Variants in KCNH5 observed in about 807,000 individuals in gnomAD.
The protein encoded by KCNH5 is potassium voltage-gated channel subfamily H member 5, also known as voltage-gated delayed rectifier potassium channel KCNH5.
A neutral mutation model predicts 96.1 loss-of-function variants in KCNH5; 46 were observed. The ratio of observed to expected loss-of-function variants is 0.48; its 90% CI spans 0.38 to 0.61. The LOEUF is 0.61. Among genes scored for constraint, KCNH5 ranks in the 20% least tolerant of loss-of-function variants. The probability of loss-of-function intolerance (pLI) is 0.00; values close to 1 mark genes in which losing one functional copy is unlikely to be tolerated. For synonymous variants in KCNH5, 439 were observed against 449.8 expected (o/e 0.98, Z 0.30); for missense variants, 907 against 1,225.8 (o/e 0.74, Z 3.88).
At chr14:62,830,967 T>C (rs749732173) in intron 8 of KCNH5, among the ~76,000 whole-genome samples, 1 of 152,184 alleles carries the variant, frequency 6.6e-6, no homozygotes, top group Non-Finnish European at 1.5e-5. Context: ...AGCATTGCTT[T>C]TCCAAGGCTT....
chr14:62,895,691 T>C lies in KCNH5; in HGVS notation c.1370-45839A>G, dbSNP rs184902098. ...GCACCATATGCCATACCTATAGTTATAGCCTTCTCAGTTCAGAGAGATGAC... is the reference window on the plus strand; with the variant it reads ...GCACCATATGCCATACCTATAGTTACAGCCTTCTCAGTTCAGAGAGATGAC... On this transcript the variant is annotated intron_variant, in intron 7 of 10. Transcript: ENST00000322893. Among the ~76,000 whole-genome samples, 6 of 152,288 alleles carry C rather than the reference T, an allele frequency of 3.9e-5. No individual in the cohort carries two copies. The East Asian group carries it at 1.2e-3, about 29-fold the overall frequency.
rs531454095 is a variant in KCNH5 at position 62,730,186 on chromosome 14, C to A, written c.2020-21731G>T. On this transcript the variant is annotated intron_variant, in intron 10 of 10. Transcript: ENST00000322893. Reference sequence around the variant, plus strand: ...ACCAGGTCTTTGCTTCCAGATTGTGCAAGAATACATAGTTACTCTAGGCAC... The same window carrying A: ...ACCAGGTCTTTGCTTCCAGATTGTGAAAGAATACATAGTTACTCTAGGCAC... 1.2e-4 allele frequency among the ~76,000 whole-genome samples: 19 copies of A among 152,144 alleles called. No individual in the cohort carries two copies. The South Asian group carries it at 3.9e-3, about 32-fold the overall frequency.
At chr14:62,871,504 G>T (rs1241288954) in intron 7 of KCNH5, among the ~76,000 whole-genome samples, 1 of 152,126 alleles carries the variant, frequency 6.6e-6, no homozygotes, top group African/African-American at 2.4e-5. Flanking sequence ...TCTCCTTGTG[G>T]AAAACAAGGA....
intron 5 of KCNH5, among the ~76,000 whole-genome samples, chr14:62,984,346 G>A (rs1479086911): frequency 1.3e-5 from 2 of 152,152 alleles, no homozygotes; most frequent in Admixed American, 6.5e-5. Flanking sequence ...GTCAATGCAC[G>A]CAGAAAATTA....
At chr14:62,872,035 A>G (rs1437237090) in intron 7 of KCNH5, among the ~76,000 whole-genome samples, 2 of 152,128 alleles carry the variant, frequency 1.3e-5, no homozygotes, top group African/African-American at 4.8e-5. Context: ...TCTCCCTTCA[A>G]TGGGAATTTT....
chr14:62,934,127 T>G (rs1479060166), intron 7 of KCNH5, among the ~76,000 whole-genome samples: 3 of 108,214 alleles, frequency 2.8e-5, no homozygotes, highest in African/African-American at 1.3e-4. Flanking sequence ...TTTCTTTCTT[T>G]CTTTCTTTCT....
chr14:62,879,017 T>C (rs112560083), intron 7 of KCNH5, among the ~76,000 whole-genome samples: 2 of 152,140 alleles, frequency 1.3e-5, no homozygotes, highest in Non-Finnish European at 2.9e-5. Flanking sequence ...ATGTAGGAAT[T>C]TGAGGTACTG....
chr14:62,886,107 C>A (rs992303374), intron 7 of KCNH5, among the ~76,000 whole-genome samples: 7 of 142,338 alleles, frequency 4.9e-5, no homozygotes, highest in Non-Finnish European at 1.1e-4. Context: ...CTTGAAAACA[C>A]AGCACCTGCA....
chr14:62,796,264 G>A (rs183686222), intron 9 of KCNH5, among the ~76,000 whole-genome samples: 29 of 152,178 alleles, frequency 1.9e-4, no homozygotes, highest in Admixed American at 3.3e-4. Flanking sequence ...TGCCCACCTC[G>A]GCCTCCCAAA....
intron 10 of KCNH5, among the ~76,000 whole-genome samples, chr14:62,774,988 C>A (rs999404836): frequency 6.6e-6 from 1 of 152,098 alleles, no homozygotes; most frequent in Non-Finnish European, 1.5e-5. Context: ...GAAATCCTAT[C>A]AAAATATTTT....
chr14:62,944,861 A>C (rs993366845), intron 7 of KCNH5, among the ~76,000 whole-genome samples: 2 of 152,154 alleles, frequency 1.3e-5, no homozygotes, highest in African/African-American at 4.8e-5. Flanking sequence ...AGAAGCATAA[A>C]AGGAAAACCT....
intron 8 of KCNH5, among the ~76,000 whole-genome samples, chr14:62,833,282 A>G (rs192245065): frequency 6.6e-6 from 1 of 152,082 alleles, no homozygotes; most frequent in East Asian, 1.9e-4. Flanking sequence ...TTCAGGTCTT[A>G]TGTTTAAGTC....
At chr14:63,028,413 G>T (rs367911271) in intron 1 of KCNH5, among the ~76,000 whole-genome samples, 2 of 152,084 alleles carry the variant, frequency 1.3e-5, no homozygotes, top group African/African-American at 4.8e-5. Context: ...GCCTGATGTT[G>T]TACATGTTAT....
chr14:62,761,729 G>C (rs1000158220), intron 10 of KCNH5, among the ~76,000 whole-genome samples: 1 of 150,942 alleles, frequency 6.6e-6, no homozygotes. Context: ...GAAGACAGAA[G>C]AAAAAACGAG....
At chr14:62,982,505 G>A (rs1890629219) in intron 5 of KCNH5, among the ~76,000 whole-genome samples, 1 of 152,224 alleles carries the variant, frequency 6.6e-6, no homozygotes, top group South Asian at 2.1e-4. Context: ...ATGGGACCCA[G>A]AAGGTAGGAG....
chr14:63,000,848 T>C (rs1486118479), intron 4 of KCNH5, among the ~76,000 whole-genome samples: 2 of 151,442 alleles, frequency 1.3e-5, no homozygotes, highest in African/African-American at 4.9e-5. Context: ...CCAAGGGGGG[T>C]CAGATAACTT....
chr14:62,839,482 A>G (rs10140000), intron 8 of KCNH5, among the ~76,000 whole-genome samples: 16,396 of 152,222 alleles, frequency 0.11, 1,113 homozygotes, highest in East Asian at 0.29. Context: ...ATATGGGTTA[A>G]GTCTGTGGAT....
intron 10 of KCNH5, among the ~76,000 whole-genome samples, chr14:62,740,188 T>C (rs1438322049): frequency 1.3e-5 from 2 of 152,182 alleles, no homozygotes; most frequent in Non-Finnish European, 2.9e-5. Context: ...TGAATGTTTG[T>C]TAAACAATCA....
chr14:63,026,447 T>C (rs551217924), intron 1 of KCNH5, among the ~76,000 whole-genome samples: 2 of 151,962 alleles, frequency 1.3e-5, no homozygotes, highest in Middle Eastern at 3.4e-3. Context: ...ATAAAATATA[T>C]CTACAAACCA....
Sources: allele counts gnomAD v4.1 joint callset (sites outside exome capture counted in the v4.1 genomes callset), GRCh38; gene constraint gnomAD v4.1.1; transcripts MANE v1.5; gene names NCBI Gene and HGNC (gene_info 2026-07-23, HGNC 2026-07-21).